AGBL1: variants seen among roughly 807,000 people sequenced by gnomAD.
AGBL1 encodes the protein cytosolic carboxypeptidase 4.
In AGBL1, 130 loss-of-function variants were observed where a neutral mutation model predicts 118.9. That is an observed-to-expected ratio of 1.09 (90% CI 0.95 to 1.26). AGBL1 has a LOEUF of 1.26. Among genes scored for constraint, AGBL1 ranks in the 50% most tolerant of loss-of-function variants. AGBL1 has a pLI of 0.00. For missense variants in AGBL1, 1,584 were observed against 1,298.1 expected, an observed-to-expected ratio of 1.22 and a Z score of -3.38; for synonymous variants, 555 against 478.9, an observed-to-expected ratio of 1.16 and a Z score of -2.08.
intron 18 of AGBL1, among the ~76,000 whole-genome samples, chr15:86,413,488 A>G (rs2081649371): frequency 6.6e-6 from 1 of 152,174 alleles, no homozygotes; most frequent in South Asian, 2.1e-4. Flanking sequence ...CATTCCTATC[A>G]ACAGTCTATA....
chr15:86,109,274 A>G (rs1327502828), intron 1 of AGBL1, among the ~76,000 whole-genome samples: 1 of 152,224 alleles, frequency 6.6e-6, no homozygotes, highest in Non-Finnish European at 1.5e-5. Context: ...AATAATACAA[A>G]ACTACAAATA....
At chr15:86,682,813 C>A (rs1034987307) in intron 22 of AGBL1, among the ~76,000 whole-genome samples, 1 of 152,036 alleles carries the variant, frequency 6.6e-6, no homozygotes, top group Non-Finnish European at 1.5e-5. Context: ...TAGGGCCTTA[C>A]CATGAACTAG....
At chr15:86,244,035 G>GTAGA (rs202048303) in intron 6 of AGBL1, among the ~76,000 whole-genome samples, 28 of 136,382 alleles carry the variant, frequency 2.1e-4, no homozygotes, top group Admixed American at 7.3e-4. Context: ...AAATAGATAA[G>GTAGA]TAGATAGATA....
chr15:86,245,309 G>C (rs1259037184), intron 6 of AGBL1, among the ~76,000 whole-genome samples: 2 of 152,180 alleles, frequency 1.3e-5, no homozygotes, highest in African/African-American at 4.8e-5. Context: ...TTGCTTATCT[G>C]ATTATACCTC....
intron 23 of AGBL1, among the ~76,000 whole-genome samples, chr15:86,971,088 C>A (rs139325723): frequency 3.3e-4 from 50 of 152,044 alleles, no homozygotes; most frequent in Non-Finnish European, 5.0e-4. Context: ...TGGAACAAAT[C>A]CTGCAAGGAT....
At chr15:86,917,447 G>T (rs1401538903), downstream of AGBL1, among the ~76,000 whole-genome samples, 1 of 152,194 alleles carries the variant, frequency 6.6e-6, no homozygotes, top group Non-Finnish European at 1.5e-5. This position sits in a 1 kb window ranked among gnomAD's most constrained non-coding sequence, Gnocchi z 4.8. Context: ...GTGTGCAAGA[G>T]GGTTAGGGAA....
chr15:86,386,775 T>A (rs2081203048), intron 17 of AGBL1, among the ~76,000 whole-genome samples: 1 of 152,120 alleles, frequency 6.6e-6, no homozygotes, highest in Non-Finnish European at 1.5e-5. Context: ...GATGTTATTG[T>A]CTCCCTTCTC....
intron 22 of AGBL1, among the ~76,000 whole-genome samples, chr15:86,721,026 A>G (rs1010755002): frequency 1.3e-5 from 2 of 152,160 alleles, no homozygotes; most frequent in African/African-American, 4.8e-5. Flanking sequence ...CAATCAAAAA[A>G]AGTCCAGGAC....
At chr15:86,293,645 A>G (rs1307303800) in intron 16 of AGBL1, among the ~76,000 whole-genome samples, 1 of 152,180 alleles carries the variant, frequency 6.6e-6, no homozygotes, top group Non-Finnish European at 1.5e-5. Context: ...GAAGGTGAGA[A>G]CGTGAACATC....
chr15:86,893,704 T>C (rs989814682), intron 22 of AGBL1, among the ~76,000 whole-genome samples: 3 of 152,116 alleles, frequency 2.0e-5, no homozygotes, highest in Non-Finnish European at 4.4e-5. Context: ...GATGGTGAAC[T>C]TGCCAGGAGA....
intron 21 of AGBL1, among the ~76,000 whole-genome samples, chr15:86,597,503 C>G (rs1337552103): frequency 6.6e-6 from 1 of 152,128 alleles, no homozygotes; most frequent in Non-Finnish European, 1.5e-5. Flanking sequence ...CCCCAGTTTA[C>G]CAGTGTACCA....
chr15:86,306,468 C>G (rs1256978125), intron 17 of AGBL1, among the ~76,000 whole-genome samples: 1 of 152,128 alleles, frequency 6.6e-6, no homozygotes, highest in Non-Finnish European at 1.5e-5. Context: ...CCATTTCTAT[C>G]CATGTTGTTG....
chr15:86,552,140 T>A (rs1227010182), intron 20 of AGBL1, among the ~76,000 whole-genome samples: 1 of 152,180 alleles, frequency 6.6e-6, no homozygotes, highest in Admixed American at 6.6e-5. Flanking sequence ...CTATAGACTT[T>A]GAGTGATGAT....
intron 22 of AGBL1, among the ~76,000 whole-genome samples, chr15:86,701,935 CCCT>C (rs1257263025): frequency 6.7e-6 from 1 of 149,348 alleles, no homozygotes; most frequent in Non-Finnish European, 1.5e-5. Context: ...CCTTCCCCTC[CCCT>C]CCTCTATCCC....
At chr15:86,807,369 G>T (rs572885851) in intron 22 of AGBL1, among the ~76,000 whole-genome samples, 1 of 152,130 alleles carries the variant, frequency 6.6e-6, no homozygotes, top group South Asian at 2.1e-4. Flanking sequence ...GAGACATCAC[G>T]TTGGAAGCAT....
intron 18 of AGBL1, among the ~76,000 whole-genome samples, chr15:86,418,787 A>G (rs771977788): frequency 6.6e-6 from 1 of 152,094 alleles, no homozygotes; most frequent in Non-Finnish European, 1.5e-5. Flanking sequence ...ACTTAGTCTT[A>G]CCTGTCCTCA....
At chr15:86,846,784 G>C (rs1289497916) in intron 22 of AGBL1, among the ~76,000 whole-genome samples, 1 of 152,098 alleles carries the variant, frequency 6.6e-6, no homozygotes, top group African/African-American at 2.4e-5. Context: ...CACCCGCCTC[G>C]GCCTCCCAAA....
chr15:86,788,528 A>G (rs906469621), intron 22 of AGBL1, among the ~76,000 whole-genome samples: 1 of 152,220 alleles, frequency 6.6e-6, no homozygotes, highest in African/African-American at 2.4e-5. Context: ...TAGAACATCT[A>G]CTATGGGGTC....
At chr15:86,228,900 C>T (rs1280839466) in intron 6 of AGBL1, among the ~76,000 whole-genome samples, 1 of 152,188 alleles carries the variant, frequency 6.6e-6, no homozygotes, top group Non-Finnish European at 1.5e-5. Context: ...AATTAAAAAT[C>T]ATTGCTCACT....
Sources: allele counts gnomAD v4.1 joint callset (sites outside exome capture counted in the v4.1 genomes callset), GRCh38; gene constraint gnomAD v4.1.1; non-coding constraint Gnocchi (gnomAD v3.1); transcripts MANE v1.5; gene names NCBI Gene and HGNC (gene_info 2026-07-23, HGNC 2026-07-21).